Variants in FBN1 observed in about 807,000 individuals in gnomAD.
FBN1 encodes fibrillin-1.
Under a neutral mutation model 365.1 loss-of-function variants are expected in FBN1, and 29 were observed. The ratio of observed to expected loss-of-function variants is 0.08; its 90% CI spans 0.06 to 0.11. FBN1 has a LOEUF of 0.11. Among genes scored for constraint, FBN1 ranks in the 10% least tolerant of loss-of-function variants. FBN1 has a pLI of 1.00. For synonymous variants in FBN1, 1,210 were observed against 1,270.5 expected, an observed-to-expected ratio of 0.95 and a Z score of 1.01; for missense variants, 2,476 against 3,703.2, an observed-to-expected ratio of 0.67 and a Z score of 8.60.
chr15:48,568,081 A>G (rs1445902193), intron 6 of FBN1, among the ~76,000 whole-genome samples: 2 of 150,482 alleles, frequency 1.3e-5, no homozygotes, highest in Admixed American at 6.6e-5. Context: ...AGAAAGAAAG[A>G]AAGACTATCT....
chr15:48,630,283 T>C (rs1388145830), intron 2 of FBN1, among the ~76,000 whole-genome samples: 2 of 152,130 alleles, frequency 1.3e-5, no homozygotes, highest in Non-Finnish European at 2.9e-5. Context: ...TAAATTTGGG[T>C]TTTTCTGTGC....
At chr15:48,582,149 C>A (rs1010649201) in intron 6 of FBN1, among the ~76,000 whole-genome samples, 1 of 152,208 alleles carries the variant, frequency 6.6e-6, no homozygotes, top group African/African-American at 2.4e-5. Flanking sequence ...GATGGTAGAT[C>A]AGTCATTTCT....
intron 3 of FBN1, among the ~76,000 whole-genome samples, chr15:48,611,643 A>G (rs1346042950): frequency 6.6e-6 from 1 of 152,224 alleles, no homozygotes. Context: ...ATCTACTGCT[A>G]GAGTACTGAT....
intron 43 of FBN1, among the ~76,000 whole-genome samples, chr15:48,457,349 G>A (rs1231740162): frequency 6.6e-6 from 1 of 152,178 alleles, no homozygotes; most frequent in Non-Finnish European, 1.5e-5. Context: ...CTAAGACTGG[G>A]AGTTGGGCTT....
intron 26 of FBN1, 52 bp downstream of exon 26, chr15:48,488,316 A>C (rs1000082721): frequency 6.4e-7 from 1 of 1,557,508 alleles, no homozygotes; most frequent in Non-Finnish European, 8.9e-7. Context: ...GTTAAAGATA[A>C]AGAGTTTTAA....
rs1242424896 is a variant in FBN1 at position 48,411,226 on chromosome 15, A to T, written c.8380T>A (p.Leu2794Met). Residue 2794 changes from leucine (L) to methionine (M), a missense_variant, in exon 66 of 66, where the codon TTG (leucine) becomes ATG (methionine). This residue lies in a region of FBN1 where 177 missense variants were observed against 192.7 expected (regional missense o/e 0.92). Transcript: ENST00000316623. ...CCATCTTCATTTCCAGATTCGATCA[A>T]GTATCTGTTGTGATTCGTCAGAGTT... ...LTTLTNHNRY[L>M]IESGNEDGFF... is the part of the protein sequence containing the mutation. 1 of 1,614,030 alleles carries T rather than the reference A, an allele frequency of 6.2e-7. No individual in the cohort carries two copies. The highest frequency in any genetic ancestry group is 8.5e-7 in the Non-Finnish European group (1 of 1,180,016).
chr15:48,642,874 CACAA>C (rs1890223737), intron 2 of FBN1: 1 of 152,158 alleles, frequency 6.6e-6, no homozygotes, highest in African/African-American at 2.4e-5. Flanking sequence ...TCTCTATAAT[CACAA>C]ACAAATTTAA....
chr15:48,441,943 T>C (rs2043118725), intron 49 of FBN1, 97 bp from the exon 50 acceptor site: 1 of 1,293,500 alleles, frequency 7.7e-7, no homozygotes, highest in East Asian at 2.3e-5. Flanking sequence ...CAACTGAGTT[T>C]CCAAACTCTT....
chr15:48,473,362 T>A (rs1349643254), intron 34 of FBN1, among the ~76,000 whole-genome samples: 2 of 152,242 alleles, frequency 1.3e-5, no homozygotes, highest in Non-Finnish European at 2.9e-5. Flanking sequence ...TTTTAAGTTA[T>A]AGGAGCAGCT....
chr15:48,576,011 A>C (rs2044344027), intron 6 of FBN1, among the ~76,000 whole-genome samples: 1 of 152,220 alleles, frequency 6.6e-6, no homozygotes, highest in Non-Finnish European at 1.5e-5. Flanking sequence ...ACTGGGAAAC[A>C]GAAGAGCAAG....
At chr15:48,642,978 A>C (rs992684868) in intron 2 of FBN1, 1 of 152,222 alleles carries the variant, frequency 6.6e-6, no homozygotes, top group African/African-American at 2.4e-5. Flanking sequence ...CACATTCCCA[A>C]GGGAACACAC....
intron 6 of FBN1, among the ~76,000 whole-genome samples, chr15:48,546,310 C>T (rs1314406107): frequency 6.6e-6 from 1 of 152,176 alleles, no homozygotes; most frequent in Non-Finnish European, 1.5e-5. Flanking sequence ...AACAAGCATG[C>T]TGCTGTCATA....
At chr15:48,549,449 G>C (rs117078145) in intron 6 of FBN1, among the ~76,000 whole-genome samples, 1 of 152,312 alleles carries the variant, frequency 6.6e-6, no homozygotes, top group East Asian at 1.9e-4. Context: ...GCTCCAGAAA[G>C]AGTTGGAGAG....
At chr15:48,441,400 G>C (rs2043113970) in intron 50 of FBN1, among the ~76,000 whole-genome samples, 1 of 152,136 alleles carries the variant, frequency 6.6e-6, no homozygotes, top group Non-Finnish European at 1.5e-5. Context: ...GGGATATGTA[G>C]CTCAACTTCC....
At chr15:48,467,220 G>C (rs918974857) in intron 38 of FBN1, among the ~76,000 whole-genome samples, 1 of 152,140 alleles carries the variant, frequency 6.6e-6, no homozygotes, top group African/African-American at 2.4e-5. Context: ...GTATTCTCCT[G>C]AAGGGCAGGA....
chr15:48,582,833 C>G (rs1408538890), intron 6 of FBN1, among the ~76,000 whole-genome samples: 1 of 152,096 alleles, frequency 6.6e-6, no homozygotes, highest in African/African-American at 2.4e-5. Context: ...AGAGGAAAAG[C>G]AATCTAAGCA....
intron 13 of FBN1, among the ~76,000 whole-genome samples, chr15:48,511,571 A>G (rs2043758874): frequency 6.6e-6 from 1 of 152,194 alleles, no homozygotes; most frequent in African/African-American, 2.4e-5. Context: ...CTTGTCATTC[A>G]AAGTTCTCCT....
At chr15:48,477,411 T>C (rs1024477230) in intron 32 of FBN1, among the ~76,000 whole-genome samples, 1 of 152,196 alleles carries the variant, frequency 6.6e-6, no homozygotes, top group Non-Finnish European at 1.5e-5. Context: ...TGTGACTATT[T>C]GTATAAGTTA....
intron 25 of FBN1, among the ~76,000 whole-genome samples, chr15:48,489,354 T>G (rs1227135823): frequency 6.6e-6 from 1 of 151,938 alleles, no homozygotes; most frequent in African/African-American, 2.4e-5. Flanking sequence ...CAGCTCAAGA[T>G]CTCATTAATA....
Sources: allele counts gnomAD v4.1 joint callset (sites outside exome capture counted in the v4.1 genomes callset), GRCh38; gene constraint gnomAD v4.1.1; regional missense constraint gnomAD v4.1.1; transcripts MANE v1.5; gene names NCBI Gene and HGNC (gene_info 2026-07-23, HGNC 2026-07-21).